WDFY3: variants seen among roughly 807,000 people sequenced by gnomAD.
The protein encoded by WDFY3 is WD repeat and FYVE domain-containing protein 3.
In WDFY3, 66 loss-of-function variants were observed where a neutral mutation model predicts 409.6. That is an observed-to-expected ratio of 0.16 (90% CI 0.13 to 0.20). WDFY3 has a LOEUF of 0.20. WDFY3 is among the 10% of genes least tolerant of loss of function. The pLI, the probability that WDFY3 is intolerant of heterozygous loss-of-function variation, is 1.00. For synonymous variants in WDFY3, 1,521 were observed against 1,537.1 expected (o/e 0.99, Z 0.25); for missense variants, 3,031 against 4,298.1 (o/e 0.71, Z 8.24).
intron 27 of WDFY3, among the ~76,000 whole-genome samples, chr4:84,777,485 AAT>A (rs1258629950): frequency 3.3e-5 from 5 of 152,146 alleles, no homozygotes; most frequent in Non-Finnish European, 7.4e-5. Flanking sequence ...AACTTGAAAG[AAT>A]ATGAGGGAAA....
chr4:84,901,581 A>C (rs1017431880), intron 2 of WDFY3, among the ~76,000 whole-genome samples: 1 of 152,236 alleles, frequency 6.6e-6, no homozygotes, highest in African/African-American at 2.4e-5. Context: ...AAGCAACAGA[A>C]AACAGACTAA....
At chr4:84,946,517 T>C (rs1257948427) in intron 1 of WDFY3, among the ~76,000 whole-genome samples, 1 of 152,146 alleles carries the variant, frequency 6.6e-6, no homozygotes, top group Non-Finnish European at 1.5e-5. Flanking sequence ...AACTTGCTTT[T>C]TGCTTTTCTC....
chr4:84,758,573 CT>C (rs1267043891), intron 32 of WDFY3, among the ~76,000 whole-genome samples: 3 of 152,058 alleles, frequency 2.0e-5, no homozygotes, highest in Non-Finnish European at 4.4e-5. Context: ...TTTTCAACTT[CT>C]TTTTTTCTGG....
chr4:84,858,647 C>G (rs1054591654), intron 4 of WDFY3, among the ~76,000 whole-genome samples: 1 of 149,774 alleles, frequency 6.7e-6, no homozygotes, highest in Non-Finnish European at 1.5e-5. Flanking sequence ...TAAGCTGAAG[C>G]CACAATAAAA....
intron 36 of WDFY3, among the ~76,000 whole-genome samples, chr4:84,748,050 C>A (rs956181439): frequency 2.6e-5 from 4 of 152,066 alleles, no homozygotes; most frequent in African/African-American, 9.7e-5. Flanking sequence ...TCCAGGTATA[C>A]ACAAATCTGT....
chr4:84,688,129 C>T lies in WDFY3; in HGVS notation c.9500G>A (p.Gly3167Glu). The T allele has an allele frequency of 6.2e-7, 1 of 1,614,074 alleles. No individual in the cohort carries two copies. The highest frequency in any genetic ancestry group is 8.5e-7 in the Non-Finnish European group (1 of 1,179,990). ...AAGAGCAGAAACTGGAGCTCGATGC[C>T]CTCGAAGCTGGGTTAGAAATGACAG... Reference protein sequence around the residue: ...NKLSFLTQLRGHRAPVSALCI... With the variant: ...NKLSFLTQLREHRAPVSALCI... Residue 3167 changes from glycine (G) to glutamate (E), a missense_variant, in exon 62 of 68, where the codon GGG (glycine) becomes GAG (glutamate). Physicochemically the swap from Gly to Glu is moderately conservative, Grantham distance 98. This residue lies in a region of WDFY3 where 378 missense variants were observed against 477.3 expected (regional missense o/e 0.79). Coordinates refer to ENST00000295888, the MANE Select transcript of WDFY3 (RefSeq NM_014991.6).
At position 84,709,846 on chromosome 4, in the gene WDFY3, C is replaced by T. The variant is rs541942531; in HGVS notation, c.8043-499G>A. The stretch of plus-strand genomic sequence containing the variant: ...GGTTCTAGTGATTCTCTGGCCTCAG[C>T]CTCCTGGGTAGCTGGGATTACATGC... On this transcript the variant is annotated intron_variant, in intron 51 of 67. Coordinates refer to ENST00000295888, the MANE Select transcript of WDFY3 (RefSeq NM_014991.6). Among the ~76,000 whole-genome samples the T allele has an allele frequency of 7.9e-5, 12 of 152,286 alleles. 1 individual carries two copies. The East Asian group carries it at 2.3e-3, about 29-fold the overall frequency.
chr4:84,887,301 A>T (rs776250831), intron 3 of WDFY3, among the ~76,000 whole-genome samples: 1 of 152,192 alleles, frequency 6.6e-6, no homozygotes, highest in African/African-American at 2.4e-5. Context: ...AGGAAAGAGA[A>T]GCACATTTTT....
intron 12 of WDFY3, among the ~76,000 whole-genome samples, chr4:84,819,145 AT>A (rs1753721837): frequency 6.6e-6 from 1 of 152,076 alleles, no homozygotes; most frequent in African/African-American, 2.4e-5. Context: ...TATCAGACTA[AT>A]TACTTCTATA....
intron 58 of WDFY3, among the ~76,000 whole-genome samples, chr4:84,693,578 T>G (rs1238460104): frequency 6.6e-6 from 1 of 152,204 alleles, no homozygotes; most frequent in Non-Finnish European, 1.5e-5. Context: ...ATGTGCTACA[T>G]CGTCATTCTG....
chr4:84,844,152 C>T (rs1000365078), intron 5 of WDFY3, among the ~76,000 whole-genome samples: 6 of 152,056 alleles, frequency 3.9e-5, no homozygotes, highest in South Asian at 2.1e-4. Flanking sequence ...AGTAAACAAA[C>T]GAATTCAATT....
intron 4 of WDFY3, among the ~76,000 whole-genome samples, chr4:84,854,382 T>C (rs1759459245): frequency 6.6e-6 from 1 of 152,190 alleles, no homozygotes; most frequent in Non-Finnish European, 1.5e-5. Context: ...TAATACTGAA[T>C]GGATAAGGTA....
chr4:84,848,504 C>A (rs986666047), intron 5 of WDFY3, among the ~76,000 whole-genome samples: 3 of 152,176 alleles, frequency 2.0e-5, no homozygotes, highest in Admixed American at 2.0e-4. Context: ...AGACACCCAC[C>A]ACTGACCATC....
At chr4:84,825,255 G>T (rs1466507800) in intron 10 of WDFY3, among the ~76,000 whole-genome samples, 1 of 151,636 alleles carries the variant, frequency 6.6e-6, no homozygotes, top group Non-Finnish European at 1.5e-5. Context: ...TATAAAATAG[G>T]AAGTACATTG....
chr4:84,877,003 G>A (rs371825239), intron 3 of WDFY3, among the ~76,000 whole-genome samples: 8 of 152,116 alleles, frequency 5.3e-5, no homozygotes, highest in African/African-American at 1.4e-4. Context: ...TAAATTCCTT[G>A]AAAGAAGGCT....
intron 1 of WDFY3, among the ~76,000 whole-genome samples, chr4:84,940,169 C>A (rs1247610390): frequency 2.6e-5 from 4 of 151,940 alleles, no homozygotes; most frequent in South Asian, 2.1e-4. Flanking sequence ...CTAAAAAGTC[C>A]CAGAAGTGCT....
rs184016017 is a variant in WDFY3 at position 84,820,082 on chromosome 4, T to A, written c.1693+3A>T. ...AGTATTTGCTTGCAGCTTTTTAAAT[T>A]ACCTGCATTTGTGTTTGATCCTTGA... On this transcript the variant is annotated splice_donor_region_variant and intron_variant, in intron 12 of 67. Transcript: ENST00000295888. 19 of 1,593,742 alleles carry A rather than the reference T, an allele frequency of 1.2e-5. No homozygotes were observed. The East Asian group carries it at 3.8e-4, about 32-fold the overall frequency.
chr4:84,809,811 C>T (rs1212000820), intron 14 of WDFY3, 76 bp downstream of exon 14: 3 of 1,306,864 alleles, frequency 2.3e-6, no homozygotes, highest in Non-Finnish European at 3.2e-6. Context: ...TTTGGATTAA[C>T]TCATAATTCA....
intron 2 of WDFY3, among the ~76,000 whole-genome samples, chr4:84,930,840 A>T (rs1770677607): frequency 1.3e-5 from 2 of 152,216 alleles, no homozygotes; most frequent in African/African-American, 4.8e-5. Context: ...ATGCAATAAC[A>T]TGGATATAAC....
Sources: gnomAD v4.1 joint callset for allele counts (sites outside exome capture counted in the v4.1 genomes callset) on GRCh38, gnomAD v4.1.1 for gene constraint, gnomAD v4.1.1 regional missense constraint, MANE v1.5 for transcripts, NCBI Gene and HGNC (gene_info 2026-07-23, HGNC 2026-07-21) for gene names.